The following JARID2 variants were observed in gnomAD, a reference collection of about 807,000 sequenced individuals.
The protein encoded by JARID2 is jumonji and AT-rich interaction domain containing 2, also known as protein Jumonji.
In JARID2, 21 loss-of-function variants were observed where a neutral mutation model predicts 125.6. That is an observed-to-expected ratio of 0.17 (90% CI 0.12 to 0.24). The LOEUF is 0.24. Ranked by LOEUF, JARID2 falls within the 10% of genes least tolerant of loss-of-function variation. JARID2 has a pLI of 1.00. For missense variants in JARID2, 1,303 were observed against 1,639.6 expected (o/e 0.79, Z 3.55); for synonymous variants, 736 against 661.6 (o/e 1.11, Z -1.73).
intron 5 of JARID2, among the ~76,000 whole-genome samples, chr6:15,485,409 A>G (rs1261375614): frequency 1.3e-5 from 2 of 152,224 alleles, no homozygotes; most frequent in African/African-American, 2.4e-5. Context: ...GGAATGGAGA[A>G]ATGTTGATGA....
chr6:15,401,113 C>T, intron 2 of JARID2: 2 of 1,286,186 alleles, frequency 1.6e-6, no homozygotes, highest in Non-Finnish European at 2.0e-6. Context: ...GTGGGTTTCC[C>T]TGCTGGGGTC....
chr6:15,371,652 T>C (rs1193998981), intron 1 of JARID2, among the ~76,000 whole-genome samples: 1 of 152,260 alleles, frequency 6.6e-6, no homozygotes, highest in East Asian at 1.9e-4. Context: ...AGTTGCATTT[T>C]ACTCAGGTTG....
Position 15,452,158 on chromosome 6 carries a change from C to G in JARID2, c.476C>G (p.Thr159Ser). Residue 159 changes from threonine to serine, a missense_variant, in exon 4 of 18, where the codon ACC becomes AGC. Physicochemically the swap from Thr to Ser is moderately conservative, Grantham distance 58. This residue lies in a region of JARID2 where 5 missense variants were observed against 18.5 expected (regional missense o/e 0.27). Transcript: ENST00000341776. Reference sequence around the variant, plus strand: ...AAGCCTAAGACAGAAGATTTTCTTACCTTTCTCTGCCTTCGAGGTAAGACT... The same window carrying G: ...AAGCCTAAGACAGAAGATTTTCTTAGCTTTCTCTGCCTTCGAGGTAAGACT... ...KRKPKTEDFL[T>S]FLCLRGSPAL... 5.6e-6 allele frequency: 9 copies of G among 1,613,928 alleles called. No homozygotes were observed. The highest frequency in any genetic ancestry group is 7.6e-6 in the Non-Finnish European group (9 of 1,179,966).
chr6:15,278,014 G>A (rs917309459), intron 1 of JARID2, among the ~76,000 whole-genome samples: 56 of 152,228 alleles, frequency 3.7e-4, no homozygotes, highest in African/African-American at 1.3e-3. Context: ...TTGGGAGGCC[G>A]AGGTGGGTGG....
At chr6:15,283,935 C>G (rs1760892487) in intron 1 of JARID2, among the ~76,000 whole-genome samples, 1 of 151,898 alleles carries the variant, frequency 6.6e-6, no homozygotes. Context: ...TCTCCATCTC[C>G]TGACCTCATA....
At chr6:15,499,782 C>T (rs1770643074) in intron 7 of JARID2, among the ~76,000 whole-genome samples, 1 of 152,088 alleles carries the variant, frequency 6.6e-6, no homozygotes, top group Non-Finnish European at 1.5e-5. Flanking sequence ...CACATCAGTC[C>T]ACTGTCCTGC....
chr6:15,460,199 G>C (rs1768377740), intron 4 of JARID2, among the ~76,000 whole-genome samples: 1 of 152,162 alleles, frequency 6.6e-6, no homozygotes, highest in South Asian at 2.1e-4. Context: ...AAATTTTTGA[G>C]GTCTGAGGAG....
intron 1 of JARID2, among the ~76,000 whole-genome samples, chr6:15,340,715 C>T (rs181444040): frequency 2.2e-4 from 33 of 152,250 alleles, no homozygotes; most frequent in Admixed American, 1.3e-4. Context: ...AAGCTGAGGC[C>T]GTGATCTTTA....
Position 15,392,247 on chromosome 6 carries a change from G to A in JARID2, c.182-17977G>A, listed in dbSNP as rs187169218. Reference sequence around the variant, plus strand: ...CCCTTTGGGATATTCGTTTGTATACGAAGTTTTCCTTACAGTTTTTAGTTT... The same window carrying A: ...CCCTTTGGGATATTCGTTTGTATACAAAGTTTTCCTTACAGTTTTTAGTTT... On this transcript the variant is annotated intron_variant, in intron 2 of 17. Transcript: ENST00000341776. Among the ~76,000 whole-genome samples, 5 of 152,218 alleles carry A rather than the reference G, an allele frequency of 3.3e-5. No individual in the cohort carries two copies. In the East Asian group the frequency reaches 5.8e-4, roughly 18 times the overall value.
chr6:15,283,896 A>G (rs933040739), intron 1 of JARID2, among the ~76,000 whole-genome samples: 1 of 151,268 alleles, frequency 6.6e-6, no homozygotes, highest in Admixed American at 6.6e-5. Flanking sequence ...TTTAGTAGAG[A>G]TGGGGTTTCA....
At chr6:15,351,478 T>C (rs922134546) in intron 1 of JARID2, among the ~76,000 whole-genome samples, 2 of 152,190 alleles carry the variant, frequency 1.3e-5, no homozygotes, top group Non-Finnish European at 2.9e-5. Context: ...ATCCCTGCTC[T>C]GCTCCAGAGG....
At chr6:15,399,347 A>G (rs1385958923) in intron 2 of JARID2, among the ~76,000 whole-genome samples, 2 of 152,262 alleles carry the variant, frequency 1.3e-5, no homozygotes, top group East Asian at 1.9e-4. Context: ...CTAAGAGACA[A>G]ACTTGTTTTT....
chr6:15,313,575 G>A (rs1326393795), intron 1 of JARID2, among the ~76,000 whole-genome samples: 5 of 152,148 alleles, frequency 3.3e-5, no homozygotes, highest in Admixed American at 3.3e-4. Context: ...TGTTGGTGCC[G>A]CGGCAGCATG....
At position 15,400,517 on chromosome 6, in the gene JARID2, G is replaced by A. The variant is rs555682596; in HGVS notation, c.182-9707G>A. Reference sequence around the variant, plus strand: ...GGCAATGGGGTGGGGGCATCTGACCGGCTGGGGACACAAAAGTGTGCACAA... The same window carrying A: ...GGCAATGGGGTGGGGGCATCTGACCAGCTGGGGACACAAAAGTGTGCACAA... On this transcript the variant is annotated intron_variant, in intron 2 of 17. Coordinates refer to ENST00000341776, the MANE Select transcript of JARID2 (RefSeq NM_004973.4). Among the ~76,000 whole-genome samples, 13 of 152,224 alleles carry A rather than the reference G, an allele frequency of 8.5e-5. No homozygotes were observed. The East Asian group carries it at 1.5e-3, about 18-fold the overall frequency.
chr6:15,325,812 C>G (rs1244442465), intron 1 of JARID2, among the ~76,000 whole-genome samples: 1 of 152,092 alleles, frequency 6.6e-6, no homozygotes, highest in Non-Finnish European at 1.5e-5. Flanking sequence ...TGCAGTGGGG[C>G]TTTCCAGATA....
In JARID2 at chr6:15,517,147, G is replaced by T; in HGVS notation, c.3451-14G>T. The T allele has an allele frequency of 6.3e-7, 1 of 1,599,200 alleles. No individual in the cohort carries two copies. ...CTGCCTCCTGACCTTCGGGTGTCCT[G>T]CTCTTGCTTGCAGGTGGTACAAGAG... On this transcript the variant is annotated splice_polypyrimidine_tract_variant and intron_variant, in intron 16 of 17. Transcript: ENST00000341776.
At chr6:15,370,940 A>C (rs1017002009) in intron 1 of JARID2, among the ~76,000 whole-genome samples, 1 of 152,208 alleles carries the variant, frequency 6.6e-6, no homozygotes, top group Non-Finnish European at 1.5e-5. Flanking sequence ...CAACTCATCT[A>C]CTAGATTTGT....
intron 3 of JARID2, among the ~76,000 whole-genome samples, chr6:15,423,510 T>C (rs1339718859): frequency 6.6e-6 from 1 of 152,210 alleles, no homozygotes; most frequent in Non-Finnish European, 1.5e-5. Context: ...AAGTTGTTCC[T>C]GAGTCATGGG....
intron 2 of JARID2, among the ~76,000 whole-genome samples, chr6:15,379,825 G>A (rs1182549626): frequency 6.6e-6 from 1 of 152,166 alleles, no homozygotes; most frequent in Non-Finnish European, 1.5e-5. Flanking sequence ...GAAGCATGAG[G>A]ATATAAGACC....
Sources: gnomAD v4.1 joint callset for allele counts (sites outside exome capture counted in the v4.1 genomes callset) on GRCh38, gnomAD v4.1.1 for gene constraint, gnomAD v4.1.1 regional missense constraint, MANE v1.5 for transcripts, NCBI Gene and HGNC (gene_info 2026-07-23, HGNC 2026-07-21) for gene names.